Variants in DNAH5 observed in about 807,000 individuals in gnomAD.
DNAH5 encodes the protein axonemal beta dynein heavy chain 5.
In DNAH5, 372 loss-of-function variants were observed where a neutral mutation model predicts 518.2. The observed-to-expected ratio is 0.72, with a 90% CI of 0.66 to 0.78. The LOEUF (loss-of-function observed/expected upper bound fraction) is 0.78, where lower values mean the gene tolerates loss of function less well. Among genes scored for constraint, DNAH5 ranks in the 30% least tolerant of loss-of-function variants. The pLI is 0.00. For missense variants in DNAH5, 5,523 were observed against 5,687.0 expected, an observed-to-expected ratio of 0.97 and a Z score of 0.93; for synonymous variants, 2,039 against 2,025.9, an observed-to-expected ratio of 1.01 and a Z score of -0.17.
rs188777145 is a variant in DNAH5 at position 13,692,203 on chromosome 5, C to T, written c.13724-68G>A. 5.9e-6 allele frequency: 9 copies of T among 1,524,780 alleles called. No homozygotes were observed. The Admixed American group carries it at 8.4e-5, about 14-fold the overall frequency. The allele number at this position is 1,524,780 out of a possible 1,614,324, so 94.5% of individuals were successfully genotyped here. A position where few individuals can be genotyped will look rare whatever the true frequency, so the allele number is the denominator to read the frequency against. ...TTTAGAGCCCAAGGAGAATGCAGAG[C>T]CATGCTTCTGCATTCTGTAGGTCAT... On this transcript the variant is annotated intron_variant, in intron 78 of 78. Transcript: ENST00000265104.
intron 60 of DNAH5, 91 bp downstream of exon 60, chr5:13,762,631 C>G: frequency 8.6e-7 from 1 of 1,156,232 alleles, no homozygotes; most frequent in Non-Finnish European, 1.3e-6. Flanking sequence ...ACACCAGAAG[C>G]CACAGGCACA....
chr5:13,726,831 T>C (rs754535380), intron 70 of DNAH5, among the ~76,000 whole-genome samples: 2 of 152,184 alleles, frequency 1.3e-5, no homozygotes, highest in Non-Finnish European at 2.9e-5. Flanking sequence ...CACAGCTCAT[T>C]TGGAAAAGCC....
At chr5:13,952,455 C>G (rs1780488162) in intron 1 of DNAH5, among the ~76,000 whole-genome samples, 2 of 152,096 alleles carry the variant, frequency 1.3e-5, no homozygotes, top group African/African-American at 4.8e-5. Flanking sequence ...TTTGATCACC[C>G]CAGAAAGAGA....
chr5:13,923,264 G>C lies in DNAH5; in HGVS notation c.438+16C>G. 1.2e-6 allele frequency: 2 copies of C among 1,614,084 alleles called. No individual in the cohort carries two copies. The highest frequency in any genetic ancestry group is 2.7e-5 in the African/African-American group (2 of 75,036). On this transcript the variant is annotated intron_variant, in intron 4 of 78. Coordinates refer to ENST00000265104, the MANE Select transcript of DNAH5 (RefSeq NM_001369.3). ...TTTTTGGTAATTCAGAGTAAACAAT[G>C]GCTCTTGCCCCTTACCTGGTGGATG...
chr5:13,730,432 C>CTTTA (rs1746327335), intron 68 of DNAH5, among the ~76,000 whole-genome samples: 1 of 151,500 alleles, frequency 6.6e-6, no homozygotes, highest in Non-Finnish European at 1.5e-5. Context: ...ATGCATTATT[C>CTTTA]TTTCTTTCTT....
At chr5:13,853,207 G>A (rs1021475151) in intron 30 of DNAH5, among the ~76,000 whole-genome samples, 10 of 152,188 alleles carry the variant, frequency 6.6e-5, no homozygotes, top group South Asian at 2.1e-4. Context: ...TGCAGCCTCC[G>A]CTGGTGATAC....
intron 32 of DNAH5, among the ~76,000 whole-genome samples, chr5:13,844,267 A>C (rs967055103): frequency 3.9e-5 from 6 of 152,196 alleles, no homozygotes; most frequent in Non-Finnish European, 8.8e-5. Context: ...ACCAGAGGGA[A>C]ACTGAATACA....
In DNAH5 at chr5:13,700,664, T is replaced by A. The variant is rs761546028; in HGVS notation, c.13699A>T (p.Ile4567Leu). 36 of 1,614,214 alleles carry A rather than the reference T, an allele frequency of 2.2e-5. No individual in the cohort carries two copies. The highest frequency in any genetic ancestry group is 3.0e-5 in the Non-Finnish European group (35 of 1,180,012). ...PKVLFELMPV[I>L]RIYAENNTLR... ...CTATTGTTTTCTGCATAAATCCTTA[T>A]GACAGGCATCAACTCAAAGAGCACT... Residue 4567 changes from isoleucine (I) to leucine (L), a missense_variant, in exon 78 of 79, where the codon ATA (isoleucine) becomes TTA (leucine). Physicochemically the swap from Ile to Leu is conservative, Grantham distance 5. Around this residue, in one of 3 missense-constraint regions of DNAH5, gnomAD observed 387 missense variants for 430.0 expected, o/e 0.90. Coordinates refer to ENST00000265104, the MANE Select transcript of DNAH5 (RefSeq NM_001369.3).
intron 47 of DNAH5, among the ~76,000 whole-genome samples, chr5:13,802,173 AT>A (rs1438184502): frequency 2.0e-5 from 3 of 152,212 alleles, no homozygotes; most frequent in Non-Finnish European, 4.4e-5. Context: ...CGTAGTCAGC[AT>A]GACAGCATCT....
chr5:13,696,960 A>G (rs531995370), intron 78 of DNAH5, among the ~76,000 whole-genome samples: 71 of 152,306 alleles, frequency 4.7e-4, no homozygotes, highest in African/African-American at 1.6e-3. Flanking sequence ...TTCTATAAAA[A>G]TCTGTTCTTA....
chr5:13,907,345 C>T (rs1404276367), intron 12 of DNAH5, among the ~76,000 whole-genome samples: 1 of 152,072 alleles, frequency 6.6e-6, no homozygotes, highest in Non-Finnish European at 1.5e-5. Context: ...GCAGGAGAAT[C>T]GCTTGAACCC....
intron 1 of DNAH5, among the ~76,000 whole-genome samples, chr5:14,005,841 G>A (rs1784689050): frequency 2.0e-5 from 3 of 152,242 alleles, no homozygotes; most frequent in Non-Finnish European, 2.9e-5. Context: ...TGGGAAAACA[G>A]ACAGGGTAGG....
intron 1 of DNAH5, among the ~76,000 whole-genome samples, chr5:13,933,110 G>A (rs1258421331): frequency 1.3e-5 from 2 of 152,070 alleles, no homozygotes; most frequent in African/African-American, 2.4e-5. Flanking sequence ...GGCCCCTGTG[G>A]GACAAAATAA....
At chr5:13,921,887 C>T (rs1056215952) in intron 5 of DNAH5, among the ~76,000 whole-genome samples, 56 of 152,180 alleles carry the variant, frequency 3.7e-4, no homozygotes, top group Non-Finnish European at 6.5e-4. Context: ...ACACTGCCAA[C>T]GTTTTTATGG....
At chr5:13,700,993 A>C in intron 77 of DNAH5, 122 bp from the exon 78 acceptor site, 1 of 1,054,904 alleles carries the variant, frequency 9.5e-7, no homozygotes, top group South Asian at 1.3e-5. Flanking sequence ...ATAGTATTTA[A>C]AGAATTAGCA....
chr5:13,976,710 T>TATACAC (rs780402172), intron 1 of DNAH5, among the ~76,000 whole-genome samples: 3 of 133,108 alleles, frequency 2.3e-5, no homozygotes, highest in East Asian at 2.4e-4. Context: ...TATATATATA[T>TATACAC]ACACACACAC....
chr5:13,755,997 C>G (rs188085371), intron 61 of DNAH5, among the ~76,000 whole-genome samples: 3 of 152,300 alleles, frequency 2.0e-5, no homozygotes, highest in Admixed American at 2.0e-4. Flanking sequence ...TGAGTTCCCC[C>G]CAGCCTGTTG....
rs1286347880 is a variant in DNAH5, at chr5:13,876,814, G to T, written c.3266C>A (p.Thr1089Asn). 2 of 1,613,082 alleles carry T rather than the reference G, an allele frequency of 1.2e-6. No homozygotes were observed. Among genetic ancestry groups the T allele is most frequent in the African/African-American group, 1.3e-5 (1 of 74,842 alleles). The change falls in exon 22 of 79, where the codon ACC (threonine) becomes AAC (asparagine). Residue 1089 changes from threonine (T) to asparagine (N), a missense_variant. By Grantham distance (65) the Thr-to-Asn change is moderately conservative. Transcript: ENST00000265104. ...VEMGENELQD[T>N]LEIASVNLPI... ...TAAATTTACAGATGCTATCTCCAAG[G>T]TATCTAAAAAGAAAAAAAGAAGAGA...
chr5:13,744,882 A>C (rs937092662), intron 65 of DNAH5, among the ~76,000 whole-genome samples: 4 of 152,114 alleles, frequency 2.6e-5, no homozygotes. Context: ...TGTACTTTAC[A>C]CTAGTAACCA....
Sources: allele counts gnomAD v4.1 joint callset (sites outside exome capture counted in the v4.1 genomes callset), GRCh38; gene constraint gnomAD v4.1.1; regional missense constraint gnomAD v4.1.1; transcripts MANE v1.5; gene names NCBI Gene and HGNC (gene_info 2026-07-23, HGNC 2026-07-21).